Variants in MUC5AC observed in about 807,000 individuals in gnomAD.
The protein encoded by MUC5AC is mucin 5AC, oligomeric mucus/gel-forming, also known as mucin-5AC.
Under a neutral mutation model 169.7 loss-of-function variants are expected in MUC5AC, and 158 were observed. The ratio of observed to expected loss-of-function variants is 0.93; its 90% confidence interval spans 0.82 to 1.06. The LOEUF (loss-of-function observed/expected upper bound fraction) is 1.06. Ranked by LOEUF, MUC5AC falls within the 50% of genes least tolerant of loss-of-function variation. The pLI, the probability that MUC5AC is intolerant of heterozygous loss-of-function variation, is 0.00. For missense variants in MUC5AC, 4,359 were observed against 3,089.9 expected, an observed-to-expected ratio of 1.41 and a Z score of -9.74; for synonymous variants, 1,975 against 1,237.0, an observed-to-expected ratio of 1.60 and a Z score of -12.52.
chr11:1,195,586 G>A (rs1378517090), intron 36 of MUC5AC, among the ~76,000 whole-genome samples: 1 of 152,088 alleles, frequency 6.6e-6, no homozygotes, highest in Admixed American at 6.5e-5. Flanking sequence ...CGGGGGCATC[G>A]GTCACCACCC....
In MUC5AC at chr11:1,187,460, A is replaced by C; in HGVS notation, c.9315A>C (p.Thr3105=). The change falls in exon 31 of 49, where the codon ACA becomes ACC. Residue 3105 remains threonine, a synonymous_variant. Transcript: ENST00000621226. ...CAACCAGCACAACGTCTGCTCCTAC[A>C]ACCAGCACAACCTCTGCCTCTACAG... The part of the protein sequence containing the change: ...APTTSTTSAP[T]TSTTSASTAS... 1.4e-6 allele frequency: 1 copy of C among 729,670 alleles called. No individual in the cohort carries two copies. Among genetic ancestry groups the C allele is most frequent in the Non-Finnish European group, 2.5e-6 (1 of 400,788 alleles). 45.2% of individuals were successfully genotyped at this position (729,670 alleles called of 1,614,324 possible). A position where few individuals can be genotyped will look rare whatever the true frequency, so the allele number is the denominator to read the frequency against.
chr11:1,169,830 C>CT (rs1860446338), intron 15 of MUC5AC, among the ~76,000 whole-genome samples: 1 of 136,732 alleles, frequency 7.3e-6, no homozygotes, highest in Non-Finnish European at 1.6e-5. Flanking sequence ...ACCCATTCAC[C>CT]CACTCACTCA....
At chr11:1,170,858 C>T (rs1860492027) in intron 15 of MUC5AC, among the ~76,000 whole-genome samples, 1 of 149,036 alleles carries the variant, frequency 6.7e-6, no homozygotes, top group Non-Finnish European at 1.5e-5. Context: ...CTGACTCAAC[C>T]ATTCACTCGC....
In MUC5AC at chr11:1,192,210, C is replaced by G. The variant is rs1339104197; in HGVS notation, c.14065C>G (p.Leu4689Val). 1 of 765,152 alleles carries G rather than the reference C, an allele frequency of 1.3e-6. No homozygotes were observed. The highest frequency in any genetic ancestry group is 2.4e-6 in the Non-Finnish European group (1 of 417,908). The allele number at this position is 765,152 out of a possible 1,614,324, so 47.4% of individuals were successfully genotyped here. A position where few individuals can be genotyped will look rare whatever the true frequency, so the allele number is the denominator to read the frequency against. Residue 4689 changes from leucine (L) to valine (V), a missense_variant, in exon 31 of 49, where the codon CTG becomes GTG. Transcript: ENST00000621226. The part of the protein sequence containing the change: ...ESHPEVNIEH[L>V]GQVVQCSREE... ...CCACCCGGAGGTGAACATTGAACAC[C>G]TGGGTCAGGTGGTGCAGTGCAGCCG...
At chr11:1,170,670 C>G (rs1860485261) in intron 15 of MUC5AC, among the ~76,000 whole-genome samples, 2 of 143,526 alleles carry the variant, frequency 1.4e-5, no homozygotes, top group Non-Finnish European at 1.5e-5. Flanking sequence ...CTCACCCACT[C>G]ACCAACTCAC....
Position 1,191,055 on chromosome 11 carries a change from A to G in MUC5AC, c.12910A>G (p.Ser4304Gly), listed in dbSNP as rs1861081410. 2 of 751,814 alleles carry G rather than the reference A, an allele frequency of 2.7e-6. No individual in the cohort carries two copies. Among genetic ancestry groups the G allele is most frequent in the African/African-American group, 3.5e-5 (2 of 57,252 alleles). The allele number at this position is 751,814 out of a possible 1,614,324, so 46.6% of individuals were successfully genotyped here. ...GTTPSPVPTT[S>G]TTSAPTTSTT... ...TACTCCCAGCCCTGTTCCCACCACCAGCACAACCTCTGCTCCTACAACTAG... is the reference window on the plus strand; with the variant it reads ...TACTCCCAGCCCTGTTCCCACCACCGGCACAACCTCTGCTCCTACAACTAG... Residue 4304 changes from serine (S) to glycine (G), a missense_variant, in exon 31 of 49, where the codon AGC (serine) becomes GGC (glycine). Physicochemically the swap from Ser to Gly is moderately conservative, Grantham distance 56. Coordinates refer to ENST00000621226, the MANE Select transcript of MUC5AC (RefSeq NM_001304359.2).
Position 1,189,002 on chromosome 11 carries a change from G to A in MUC5AC, c.10857G>A (p.Glu3619=). Residue 3619 remains glutamate, a synonymous_variant, in exon 31 of 49, where the codon GAG becomes GAA. Coordinates refer to ENST00000621226, the MANE Select transcript of MUC5AC (RefSeq NM_001304359.2). ...ACGAGGTGCGTGTGCTTTGCTGCGA[G>A]ACCCCCAAAGGCTGCCCCGTGACCT... ...LNYEVRVLCC[E]TPKGCPVTST... is the part of the protein sequence containing the mutation. 3 of 678,052 alleles carry A rather than the reference G, an allele frequency of 4.4e-6. No individual in the cohort carries two copies. Among genetic ancestry groups the A allele is most frequent in the Non-Finnish European group, 8.0e-6 (3 of 373,812 alleles). The allele number at this position is 678,052 out of a possible 1,614,324, so 42.0% of individuals were successfully genotyped here.
In MUC5AC at chr11:1,162,096, G is replaced by T; in HGVS notation, c.401G>T (p.Ser134Ile). The change falls in exon 4 of 49, where the codon AGC becomes ATC. Residue 134 changes from serine to isoleucine, a missense_variant. Ser to Ile is a moderately radical substitution (Grantham distance 142). Coordinates refer to ENST00000621226, the MANE Select transcript of MUC5AC (RefSeq NM_001304359.2). ...CAGGAGTCAGCGGCCCCCACGCTGA[G>T]CAGGGTCCTCATGAAGGTGGATGGC... ...RSQESAAPTL[S>I]RVLMKVDGVV... 1 of 1,612,706 alleles carries T rather than the reference G, an allele frequency of 6.2e-7. No homozygotes were observed. The highest frequency in any genetic ancestry group is 8.5e-7 in the Non-Finnish European group (1 of 1,179,848).
chr11:1,193,997 G>C lies in MUC5AC; in HGVS notation c.14756-113G>C, dbSNP rs557008098. ...ATGACGTGAGGGTCTTGTGCGCCCT[G>C]TGAGATGAGACGGTGGGGGGTCAGG... is the stretch of plus-strand genomic sequence containing the variant. On this transcript the variant is annotated intron_variant, in intron 33 of 48. Transcript: ENST00000621226. 7.3e-6 allele frequency: 5 copies of C among 681,338 alleles called. No individual in the cohort carries two copies. The South Asian group carries it at 8.2e-5, about 11-fold the overall frequency. The allele number at this position is 681,338 out of a possible 1,614,324, so 42.2% of individuals were successfully genotyped here.
At chr11:1,177,805 C>CA (rs1860723447) in intron 24 of MUC5AC, among the ~76,000 whole-genome samples, 172 bp downstream of exon 24, 2 of 152,164 alleles carry the variant, frequency 1.3e-5, no homozygotes, top group Non-Finnish European at 2.9e-5. Flanking sequence ...GGTCAGGAGA[C>CA]TCCTTGGCTG....
intron 16 of MUC5AC, among the ~76,000 whole-genome samples, chr11:1,173,387 A>T (rs1860598224): frequency 6.7e-6 from 1 of 148,656 alleles, no homozygotes; most frequent in Non-Finnish European, 1.5e-5. Flanking sequence ...TCACTCACTC[A>T]TTCACTCATT....
intron 43 of MUC5AC, 82 bp downstream of exon 43, chr11:1,198,387 C>G: frequency 1.4e-6 from 1 of 696,504 alleles, no homozygotes; most frequent in Non-Finnish European, 2.6e-6. Context: ...GACTTTGGAG[C>G]AACTGCCAAC....
intron 16 of MUC5AC, among the ~76,000 whole-genome samples, chr11:1,174,022 TTCAC>T (rs1348640360): frequency 9.3e-5 from 14 of 150,590 alleles, no homozygotes; most frequent in Non-Finnish European, 1.8e-4. Flanking sequence ...CATCCACTCA[TTCAC>T]TCACTCACTC....
intron 1 of MUC5AC, among the ~76,000 whole-genome samples, chr11:1,158,806 G>A (rs1458468104): frequency 1.3e-5 from 2 of 152,290 alleles, no homozygotes; most frequent in East Asian, 3.9e-4. Context: ...CAGCACTGCC[G>A]AGACCGCCAC....
chr11:1,193,402 T>G (rs1861174083), intron 32 of MUC5AC, 83 bp from the exon 33 acceptor site: 2 of 647,336 alleles, frequency 3.1e-6, no homozygotes, highest in Admixed American at 4.4e-5. Context: ...CACACGGGAC[T>G]CTCGGGACTG....
At chr11:1,158,149 G>C in intron 1 of MUC5AC, 77 bp downstream of exon 1, 1 of 1,365,370 alleles carries the variant, frequency 7.3e-7, no homozygotes, top group Non-Finnish European at 1.0e-6. Context: ...CTCAGTCTTT[G>C]CCCTGGGTTC....
In MUC5AC at chr11:1,196,634, G is replaced by T. The variant is rs1033892114; in HGVS notation, c.15743G>T (p.Gly5248Val). ...SASLGALPEA[G>V]PITEGCFCPE... ...CTCTACAGGGCTCTGCCGGAGGCCG[G>T]CCCCATCACCGAAGGCTGCTTCTGT... The change falls in exon 39 of 49, where the codon GGC (glycine) becomes GTC (valine). Residue 5248 changes from glycine to valine, a missense_variant. Gly to Val is a moderately radical substitution (Grantham distance 109, BLOSUM62 -3). Coordinates refer to ENST00000621226, the MANE Select transcript of MUC5AC (RefSeq NM_001304359.2). 1.3e-6 allele frequency: 1 copy of T among 762,452 alleles called. No homozygotes were observed. Among genetic ancestry groups the T allele is most frequent in the South Asian group, 1.3e-5 (1 of 74,134 alleles). The allele number at this position is 762,452 out of a possible 1,614,324, so 47.2% of individuals were successfully genotyped here.
rs1203374159 is a variant in MUC5AC at position 1,185,386 on chromosome 11, C to T, written c.7241C>T (p.Ser2414Leu). The change falls in exon 31 of 49, where the codon TCA becomes TTA. Residue 2414 changes from serine (S) to leucine (L), a missense_variant. Ser to Leu is a moderately radical substitution (Grantham distance 145). Transcript: ENST00000621226. ...TCTGCCACTACAACCAGCACAACCT[C>T]AGCTCCTACAACCAGCACAACCTCT... ...TTSATTTSTTSAPTTSTTSAP... is the reference protein window; with the variant it reads ...TTSATTTSTTLAPTTSTTSAP... 1.3e-5 allele frequency: 9 copies of T among 717,604 alleles called. No individual in the cohort carries two copies. Among genetic ancestry groups the T allele is most frequent in the Non-Finnish European group, 2.3e-5 (9 of 393,798 alleles). 44.5% of individuals were successfully genotyped at this position (717,604 alleles called of 1,614,324 possible).
At position 1,183,426 on chromosome 11, in the gene MUC5AC, G is replaced by A. The variant is rs1182240138; in HGVS notation, c.5281G>A (p.Gly1761Arg). 29 of 640,368 alleles carry A rather than the reference G, an allele frequency of 4.5e-5. No homozygotes were observed. The highest frequency in any genetic ancestry group is 1.4e-4 in the African/African-American group (7 of 49,734). 39.7% of individuals were successfully genotyped at this position (640,368 alleles called of 1,614,324 possible). A position where few individuals can be genotyped will look rare whatever the true frequency, so the allele number is the denominator to read the frequency against. The change falls in exon 31 of 49, where the codon GGA (glycine) becomes AGA (arginine). Residue 1761 changes from glycine to arginine, a missense_variant. Transcript: ENST00000621226. ...KWFDVDFPSP[G>R]PHGGDKETYN... is the part of the protein sequence containing the mutation. Reference sequence around the variant, plus strand: ...GTTCGACGTGGACTTCCCGTCCCCCGGACCCCATGGTGGAGACAAGGAAAC... The same window carrying A: ...GTTCGACGTGGACTTCCCGTCCCCCAGACCCCATGGTGGAGACAAGGAAAC...
Sources: allele counts gnomAD v4.1 joint callset (sites outside exome capture counted in the v4.1 genomes callset), GRCh38; gene constraint gnomAD v4.1.1; transcripts MANE v1.5; gene names NCBI Gene and HGNC (gene_info 2026-07-23, HGNC 2026-07-21).